Variants in GRM4 observed in about 807,000 individuals in gnomAD.
The protein encoded by GRM4 is glutamate metabotropic receptor 4, also known as metabotropic glutamate receptor 4.
A neutral mutation model predicts 81.7 loss-of-function variants in GRM4; 28 were observed. The observed-to-expected ratio is 0.34, with a 90% CI of 0.25 to 0.47. GRM4 has a LOEUF of 0.47. GRM4 is among the 20% of genes least tolerant of loss of function. The probability of loss-of-function intolerance (pLI) is 1.00; values close to 1 mark genes in which losing one functional copy is unlikely to be tolerated. For missense variants in GRM4, 948 were observed against 1,290.0 expected, an observed-to-expected ratio of 0.73 and a Z score of 4.06; for synonymous variants, 488 against 528.8, an observed-to-expected ratio of 0.92 and a Z score of 1.06.
chr6:34,103,924 A>G (rs1768982719), intron 2 of GRM4: 3 of 1,220,638 alleles, frequency 2.5e-6, no homozygotes, highest in Non-Finnish European at 3.2e-6. Context: ...AGATGTTCAG[A>G]GCCAGCCATG....
Position 34,059,416 on chromosome 6 carries a change from CACCTCTCCCCT to C in GRM4, c.873-299_873-289del. On this transcript the variant is annotated intron_variant, in intron 4 of 10. Transcript: ENST00000538487. The surrounding 1 kb of genome is among the most constrained non-coding windows in gnomAD (Gnocchi z 5.7). ...CCTACATCTGTCCCTGCAAAGACCA[CACCTCTCCCCT>C]CCAGATCCACACCCGCCCCACGTCT... is the stretch of plus-strand genomic sequence containing the variant. 2.5e-5 allele frequency: 11 copies of C among 447,632 alleles called. No homozygotes were observed. Among genetic ancestry groups the C allele is most frequent in the South Asian group, 1.3e-4 (5 of 38,508 alleles). 27.7% of individuals were successfully genotyped at this position (447,632 alleles called of 1,614,324 possible).
Position 34,105,302 on chromosome 6 carries a change from C to T in GRM4, c.520-13203G>A, listed in dbSNP as rs140760048. Among the ~76,000 whole-genome samples, 978 of 152,114 alleles carry T rather than the reference C, an allele frequency of 6.4e-3. 9 individuals carry two copies. Among genetic ancestry groups the T allele is most frequent in the Middle Eastern group, 0.014 (4 of 294 alleles). ...TTCCACTGGGGAAAAGGGTCCTGAC[C>T]CCTGGGAGGGGAGTCAAAAACCAGC... On this transcript the variant is annotated intron_variant, in intron 2 of 10. Coordinates refer to ENST00000538487, the MANE Select transcript of GRM4 (RefSeq NM_000841.4).
At chr6:34,139,832 A>AGTC (rs895340690) in intron 1 of GRM4, among the ~76,000 whole-genome samples, 9 of 152,336 alleles carry the variant, frequency 5.9e-5, no homozygotes, top group Non-Finnish European at 1.0e-4. Flanking sequence ...CATAGAAGAC[A>AGTC]GTCCCCTCTG....
intron 2 of GRM4, among the ~76,000 whole-genome samples, chr6:34,095,953 C>T (rs186217213): frequency 7.9e-5 from 12 of 152,176 alleles, no homozygotes; most frequent in East Asian, 1.9e-4. Context: ...CCACTGTCTG[C>T]GCAGCCCAGC....
At chr6:34,119,534 T>C (rs1348299576) in intron 2 of GRM4, among the ~76,000 whole-genome samples, 1 of 152,218 alleles carries the variant, frequency 6.6e-6, no homozygotes, top group African/African-American at 2.4e-5. Flanking sequence ...GCACCAGCCC[T>C]GCCCCTCTCT....
chr6:34,038,342 T>C (rs957529782), intron 8 of GRM4, among the ~76,000 whole-genome samples: 1 of 152,244 alleles, frequency 6.6e-6, no homozygotes, highest in African/African-American at 2.4e-5. Flanking sequence ...GAAGTCATAA[T>C]GGATATACTT....
intron 10 of GRM4, among the ~76,000 whole-genome samples, chr6:34,026,636 G>C (rs1764146453): frequency 6.6e-6 from 1 of 152,120 alleles, no homozygotes; most frequent in Non-Finnish European, 1.5e-5. Flanking sequence ...TCTGGCAGGA[G>C]TGGGTAATTG....
chr6:34,022,572 G>T lies in GRM4; in HGVS notation c.*249C>A. ...CCCCTGTGGTTTGGGGCCGGGAGGG[G>T]CAATGGTCCAAGACGCAGGTTCTTG... On this transcript the variant is annotated 3_prime_UTR_variant, in exon 11 of 11. Transcript: ENST00000538487. This position sits in a 1 kb window ranked among gnomAD's most constrained non-coding sequence, Gnocchi z 5.6. The T allele has an allele frequency of 1.8e-6, 1 of 556,548 alleles. No homozygotes were observed. The highest frequency in any genetic ancestry group is 3.2e-6 in the Non-Finnish European group (1 of 309,334). 34.5% of individuals were successfully genotyped at this position (556,548 alleles called of 1,614,324 possible).
chr6:34,024,799 G>T, intron 10 of GRM4: 1 of 454,652 alleles, frequency 2.2e-6, no homozygotes. Flanking sequence ...GTGCTACCTG[G>T]ACAGGTGCCA....
chr6:34,030,148 A>G (rs558163545), intron 9 of GRM4, among the ~76,000 whole-genome samples: 19 of 152,340 alleles, frequency 1.2e-4, no homozygotes, highest in East Asian at 3.9e-4. Flanking sequence ...GAAGCTCCAG[A>G]GCATCAAAAC....
chr6:34,103,830 A>C, intron 2 of GRM4: 3 of 1,429,392 alleles, frequency 2.1e-6, no homozygotes, highest in Non-Finnish European at 2.7e-6. Flanking sequence ...ACCACGGTGA[A>C]AGACTGGGAT....
chr6:34,116,877 G>A (rs867731813), intron 2 of GRM4, among the ~76,000 whole-genome samples: 2 of 152,158 alleles, frequency 1.3e-5, no homozygotes, highest in South Asian at 4.2e-4. Context: ...AACCCCAGGG[G>A]GTTCTCACAG....
At position 34,029,959 on chromosome 6, in the gene GRM4, C is replaced by T. The variant is rs961675851; in HGVS notation, c.2443-1593G>A. On this transcript the variant is annotated intron_variant, in intron 9 of 10. Transcript: ENST00000538487. ...GGCCCAGGGAAAATGAAAGCCTGTCCCCCAGTGAGCACATGCCGCTCCAGA... is the reference window on the plus strand; with the variant it reads ...GGCCCAGGGAAAATGAAAGCCTGTCTCCCAGTGAGCACATGCCGCTCCAGA... Among the ~76,000 whole-genome samples, 19 of 152,278 alleles carry T rather than the reference C, an allele frequency of 1.2e-4. No individual in the cohort carries two copies. In the South Asian group the frequency reaches 3.7e-3, roughly 30 times the overall value.
chr6:34,100,162 G>A, intron 2 of GRM4: 1 of 469,482 alleles, frequency 2.1e-6, no homozygotes, highest in Non-Finnish European at 2.8e-6. Context: ...CAGCCTGCGA[G>A]GGCCCACCTT....
upstream of GRM4, among the ~76,000 whole-genome samples, chr6:34,149,497 G>A (rs559147819): frequency 9.2e-5 from 14 of 152,350 alleles, no homozygotes; most frequent in African/African-American, 2.4e-4. Flanking sequence ...AAGTCACCCC[G>A]CAGGCACTGA....
chr6:34,053,255 TG>T (rs1439877477), intron 6 of GRM4, among the ~76,000 whole-genome samples: 1 of 151,660 alleles, frequency 6.6e-6, no homozygotes, highest in Non-Finnish European at 1.5e-5. Flanking sequence ...GACCCAGGGG[TG>T]GGTCCTTCCC....
chr6:34,154,528 G>A (rs1194450009), intron 1 of GRM4, among the ~76,000 whole-genome samples: 1 of 152,004 alleles, frequency 6.6e-6, no homozygotes, highest in African/African-American at 2.4e-5. Context: ...CAACAAATGT[G>A]ACATGGGTGG....
intron 4 of GRM4, chr6:34,061,073 G>A (rs890465991): frequency 6.6e-6 from 1 of 152,350 alleles, no homozygotes; most frequent in African/African-American, 2.4e-5. Flanking sequence ...CTGGGTACAC[G>A]GAGCAGCCTT....
intron 1 of GRM4, among the ~76,000 whole-genome samples, chr6:34,141,627 A>C (rs6928019): frequency 6.7e-6 from 1 of 149,978 alleles, no homozygotes; most frequent in Non-Finnish European, 1.5e-5. Context: ...CGTTTTTCCA[A>C]GGAGCCAAGA....
Sources: gnomAD v4.1 joint callset for allele counts (sites outside exome capture counted in the v4.1 genomes callset) on GRCh38, gnomAD v4.1.1 for gene constraint, Gnocchi (gnomAD v3.1) non-coding constraint, MANE v1.5 for transcripts, NCBI Gene and HGNC (gene_info 2026-07-23, HGNC 2026-07-21) for gene names.